Variants in SEMA4D observed in about 807,000 individuals in gnomAD.
The protein encoded by SEMA4D is semaphorin-4D.
In SEMA4D, 22 loss-of-function variants were observed where a neutral mutation model predicts 74.8. The observed-to-expected ratio is 0.29, with a 90% CI of 0.21 to 0.42. The LOEUF is 0.42. Ranked by LOEUF, SEMA4D falls within the 10% of genes least tolerant of loss-of-function variation. The probability of loss-of-function intolerance (pLI) is 1.00; values close to 1 mark genes in which losing one functional copy is unlikely to be tolerated. For synonymous variants in SEMA4D, 445 were observed against 463.7 expected, an observed-to-expected ratio of 0.96 and a Z score of 0.52; for missense variants, 937 against 1,118.4, an observed-to-expected ratio of 0.84 and a Z score of 2.31.
chr9:89,382,784 C>T (rs745470142), intron 13 of SEMA4D, among the ~76,000 whole-genome samples: 30 of 152,160 alleles, frequency 2.0e-4, no homozygotes, highest in Admixed American at 8.5e-4. Context: ...GGGGCACCTG[C>T]GAGGTGGCGT....
intron 2 of SEMA4D, among the ~76,000 whole-genome samples, chr9:89,409,069 T>C (rs1374489512): frequency 1.3e-5 from 2 of 151,854 alleles, no homozygotes; most frequent in Admixed American, 1.3e-4. Flanking sequence ...AACCGCTACA[T>C]CCAGACAGGG....
chr9:89,457,725 C>T (rs1179050165), intron 1 of SEMA4D, among the ~76,000 whole-genome samples: 2 of 150,864 alleles, frequency 1.3e-5, no homozygotes, highest in Non-Finnish European at 3.0e-5. Context: ...GAGGCCCTGT[C>T]TCAAAAAAGC....
At chr9:89,364,600 G>A (rs939686500) in intron 16 of SEMA4D, 2 of 157,596 alleles carry the variant, frequency 1.3e-5, no homozygotes, top group African/African-American at 4.8e-5. Context: ...ATGGACTCTG[G>A]GCCCGACATT....
chr9:89,469,266 GA>G (rs1859550869), intron 1 of SEMA4D, among the ~76,000 whole-genome samples: 1 of 152,120 alleles, frequency 6.6e-6, no homozygotes, highest in South Asian at 2.1e-4. Context: ...CTATAAACAG[GA>G]AAGAAATAGA....
At chr9:89,464,293 GA>G in intron 1 of SEMA4D, among the ~76,000 whole-genome samples, 1 of 152,314 alleles carries the variant, frequency 6.6e-6, no homozygotes, top group Non-Finnish European at 1.5e-5. Context: ...CTACCTGTGA[GA>G]AAAAAGGAAT....
At chr9:89,472,884 AG>A (rs2135998072) in intron 1 of SEMA4D, among the ~76,000 whole-genome samples, 1 of 152,192 alleles carries the variant, frequency 6.6e-6, no homozygotes, top group South Asian at 2.1e-4. Context: ...GCTTGAGCCC[AG>A]GGGTTTGAGA....
downstream of SEMA4D, among the ~76,000 whole-genome samples, chr9:89,375,187 G>A (rs1477734052): frequency 1.3e-5 from 2 of 152,208 alleles, no homozygotes; most frequent in African/African-American, 4.8e-5. Flanking sequence ...CCGAGGAGGA[G>A]CTTCCTGAGT....
At chr9:89,406,509 T>A (rs1413436841) in intron 2 of SEMA4D, among the ~76,000 whole-genome samples, 1 of 152,222 alleles carries the variant, frequency 6.6e-6, no homozygotes, top group Non-Finnish European at 1.5e-5. Context: ...CTCTGATGAC[T>A]GCATGGCTAC....
downstream of SEMA4D, among the ~76,000 whole-genome samples, chr9:89,374,969 C>T (rs1218130438): frequency 6.6e-6 from 1 of 152,208 alleles, no homozygotes; most frequent in Non-Finnish European, 1.5e-5. Flanking sequence ...AGGAGGATCG[C>T]TTGATCCTGG....
At chr9:89,434,710 A>G (rs1850019094) in intron 2 of SEMA4D, among the ~76,000 whole-genome samples, 2 of 152,256 alleles carry the variant, frequency 1.3e-5, no homozygotes, top group African/African-American at 2.4e-5. Context: ...CCATGTAAGG[A>G]AACATTCACA....
chr9:89,459,769 C>T (rs955231327), intron 1 of SEMA4D, among the ~76,000 whole-genome samples: 1 of 152,172 alleles, frequency 6.6e-6, no homozygotes, highest in African/African-American at 2.4e-5. Flanking sequence ...GACCAAGGTC[C>T]TCAGCTGGTC....
intron 2 of SEMA4D, among the ~76,000 whole-genome samples, chr9:89,421,233 A>C (rs561764680): frequency 1.3e-5 from 2 of 152,340 alleles, no homozygotes; most frequent in East Asian, 3.9e-4. Context: ...CCTGGCCCAG[A>C]AGCAGGTAAG....
chr9:89,389,406 G>A (rs1042859001), intron 9 of SEMA4D, among the ~76,000 whole-genome samples: 11 of 152,236 alleles, frequency 7.2e-5, no homozygotes, highest in Non-Finnish European at 1.0e-4. Context: ...CTGGCATTGT[G>A]TGACTTTCCT....
intron 1 of SEMA4D, among the ~76,000 whole-genome samples, chr9:89,468,304 A>G (rs1859279844): frequency 6.6e-6 from 1 of 152,242 alleles, no homozygotes; most frequent in Non-Finnish European, 1.5e-5. Context: ...TCACTTGAAG[A>G]ATCACTACAA....
chr9:89,432,050 C>G (rs1849388314), intron 2 of SEMA4D, among the ~76,000 whole-genome samples: 1 of 152,164 alleles, frequency 6.6e-6, no homozygotes, highest in Non-Finnish European at 1.5e-5. Flanking sequence ...TCTGTTCCCC[C>G]AGGAGAGGCA....
At position 89,388,895 on chromosome 9, in the gene SEMA4D, G is replaced by C. The variant is rs753275378; in HGVS notation, c.927C>G (p.Phe309Leu). 6.2e-7 allele frequency: 1 copy of C among 1,614,140 alleles called. No individual in the cohort carries two copies. ...LRSPGLKVPV[F>L]YALFTPQLNN... Reference sequence around the variant, plus strand: ...ACAGCTGTGGGGTGAAGAGTGCATAGAACACAGGCACCTTCAGGCCCGGGG... The same window carrying C: ...ACAGCTGTGGGGTGAAGAGTGCATACAACACAGGCACCTTCAGGCCCGGGG... Residue 309 changes from phenylalanine to leucine, a missense_variant, in exon 10 of 16, where the codon TTC (phenylalanine) becomes TTG (leucine). Transcript: ENST00000422704.
chr9:89,429,678 C>T (rs1000155404), intron 2 of SEMA4D, among the ~76,000 whole-genome samples: 23 of 152,136 alleles, frequency 1.5e-4, no homozygotes, highest in African/African-American at 5.3e-4. Context: ...GGGTCCCAGC[C>T]GGGTGACAGT....
intron 1 of SEMA4D, among the ~76,000 whole-genome samples, chr9:89,486,662 T>G (rs1193303373): frequency 2.0e-5 from 3 of 152,172 alleles, no homozygotes; most frequent in African/African-American, 7.2e-5. Context: ...GCTCAGCACT[T>G]CAGAAGGCCA....
intron 1 of SEMA4D, among the ~76,000 whole-genome samples, chr9:89,480,426 A>G (rs190724626): frequency 6.6e-6 from 1 of 152,238 alleles, no homozygotes; most frequent in Non-Finnish European, 1.5e-5. Flanking sequence ...CGCATTCCTC[A>G]GCCCTTGGGT....
Sources: allele counts gnomAD v4.1 joint callset (sites outside exome capture counted in the v4.1 genomes callset), GRCh38; gene constraint gnomAD v4.1.1; transcripts MANE v1.5; gene names NCBI Gene and HGNC (gene_info 2026-07-23, HGNC 2026-07-21).